Variants in TTC38 observed in about 807,000 individuals in gnomAD.
TTC38 encodes tetratricopeptide repeat domain 38.
TTC38 carries 64 observed loss-of-function variants against 64.2 expected under a neutral mutation model. That is an observed-to-expected ratio of 1.00 (90% confidence interval 0.81 to 1.23). TTC38 has a LOEUF of 1.23. TTC38 is among the 50% of genes most tolerant of loss of function. The probability of loss-of-function intolerance (pLI) is 0.00; values close to 1 mark genes in which losing one functional copy is unlikely to be tolerated. For missense variants in TTC38, 573 were observed against 615.5 expected (o/e 0.93, Z 0.73); for synonymous variants, 254 against 249.3 (o/e 1.02, Z -0.18).
rs2147785703 is a variant in TTC38 at position 46,272,844 on chromosome 22, G to A, written c.193+428G>A. Among the ~76,000 whole-genome samples the A allele has an allele frequency of 6.6e-6, 1 of 152,310 alleles. No individual in the cohort carries two copies. Among genetic ancestry groups the A allele is most frequent in the East Asian group, 1.9e-4 (1 of 5,180 alleles). ...CTGCAGCCTCCGTCAGGGGACCAGT[G>A]AGGCCTCATCCAGAGTGGCCAGGGT... On this transcript the variant is annotated intron_variant, in intron 3 of 13. Transcript: ENST00000381031. The surrounding 1 kb of genome is among the most constrained non-coding windows in gnomAD (Gnocchi z 6.4).
rs1569014775 is a variant in TTC38 at position 46,273,535 on chromosome 22, G to A, written c.194-363G>A. On this transcript the variant is annotated intron_variant, in intron 3 of 13. Coordinates refer to ENST00000381031, the MANE Select transcript of TTC38 (RefSeq NM_017931.4). The surrounding 1 kb of genome is among the most constrained non-coding windows in gnomAD (Gnocchi z 5.1). ...TCCTTGGTCCAGCCCCTTATGAGCAGCATCCACTGATGCCTCCCGGGAGCC... is the reference window on the plus strand; with the variant it reads ...TCCTTGGTCCAGCCCCTTATGAGCAACATCCACTGATGCCTCCCGGGAGCC... Among the ~76,000 whole-genome samples the A allele has an allele frequency of 6.6e-6, 1 of 152,254 alleles. No homozygotes were observed. Among genetic ancestry groups the A allele is most frequent in the Non-Finnish European group, 1.5e-5 (1 of 68,044 alleles).
intron 11 of TTC38, 134 bp downstream of exon 11, chr22:46,288,722 G>A: frequency 2.3e-6 from 2 of 867,338 alleles, no homozygotes; most frequent in Non-Finnish European, 1.8e-6. Context: ...CATGGAGGCA[G>A]CTCCCAGGTG....
intron 6 of TTC38, among the ~76,000 whole-genome samples, chr22:46,279,448 C>T (rs1257749421): frequency 1.3e-5 from 2 of 152,190 alleles, no homozygotes; most frequent in African/African-American, 4.8e-5. Flanking sequence ...GAGGCCAAGG[C>T]TAGAGCCTGC....
chr22:46,281,774 T>G lies in TTC38; in HGVS notation c.735+56T>G, dbSNP rs1004882333. 5 of 1,609,268 alleles carry G rather than the reference T, an allele frequency of 3.1e-6. No individual in the cohort carries two copies. The African/African-American group carries it at 6.7e-5, about 22-fold the overall frequency. On this transcript the variant is annotated intron_variant, in intron 7 of 13. Coordinates refer to ENST00000381031, the MANE Select transcript of TTC38 (RefSeq NM_017931.4). This position sits in a 1 kb window ranked among gnomAD's most constrained non-coding sequence, Gnocchi z 5.2. Reference sequence around the variant, plus strand: ...GGGAAATTCAGTGCATCCCCTTGAGTCAGGCCAAGGCTTTATGGACAAGAG... The same window carrying G: ...GGGAAATTCAGTGCATCCCCTTGAGGCAGGCCAAGGCTTTATGGACAAGAG...
At chr22:46,288,991 C>T (rs566273328) in intron 11 of TTC38, among the ~76,000 whole-genome samples, 86 of 152,340 alleles carry the variant, frequency 5.6e-4, no homozygotes, top group Non-Finnish European at 9.1e-4. Flanking sequence ...TAAATCAGGG[C>T]GATGCCTGGC....
intron 1 of TTC38, 53 bp downstream of exon 1, chr22:46,268,125 G>T (rs1054088609): frequency 4.0e-6 from 6 of 1,514,158 alleles, no homozygotes; most frequent in East Asian, 5.1e-5. Context: ...GGTCCTGGGG[G>T]TGGCCCGGTG....
intron 5 of TTC38, 112 bp from the exon 6 acceptor site, chr22:46,278,474 G>C: frequency 1.1e-6 from 1 of 882,664 alleles, no homozygotes; most frequent in Non-Finnish European, 1.9e-6. Context: ...TCCAAAAAAG[G>C]TCACATTCCC....
rs1330689578 is a variant in TTC38 at position 46,291,915 on chromosome 22, C to T, written c.1317-876C>T. On this transcript the variant is annotated intron_variant, in intron 13 of 13. Coordinates refer to ENST00000381031, the MANE Select transcript of TTC38 (RefSeq NM_017931.4). The surrounding 1 kb of genome is among the most constrained non-coding windows in gnomAD (Gnocchi z 4.6). ...AGGTTGCAGTGAGCCGAGATCGCGT[C>T]ATTGCACTCCAGCCTGAGTGACCGA... is the stretch of plus-strand genomic sequence containing the variant. 6.6e-6 allele frequency among the ~76,000 whole-genome samples: 1 copy of T among 152,172 alleles called. No individual in the cohort carries two copies. The highest frequency in any genetic ancestry group is 1.5e-5 in the Non-Finnish European group (1 of 68,034).
chr22:46,280,919 G>T (rs2077529386), intron 6 of TTC38, among the ~76,000 whole-genome samples: 1 of 152,272 alleles, frequency 6.6e-6, no homozygotes, highest in African/African-American at 2.4e-5. Flanking sequence ...CTGAGTAGAT[G>T]CTTAGCAAAC....
intron 5 of TTC38, among the ~76,000 whole-genome samples, chr22:46,277,222 G>A (rs2077498558): frequency 1.3e-5 from 2 of 152,046 alleles, no homozygotes; most frequent in African/African-American, 2.4e-5. Flanking sequence ...GCCCTATTTT[G>A]TTTTCACTTA....
Position 46,291,645 on chromosome 22 carries a change from GGTT to G in TTC38, c.1317-1142_1317-1140del, listed in dbSNP as rs1416860432. On this transcript the variant is annotated intron_variant, in intron 13 of 13. Transcript: ENST00000381031. The surrounding 1 kb of genome is among the most constrained non-coding windows in gnomAD (Gnocchi z 4.6). The stretch of plus-strand genomic sequence containing the variant: ...TTTGGGGGCTGTCTTAGTCAGTTTG[GGTT>G]GTTATTTTAAAAGTGCCACAGACAG... Among the ~76,000 whole-genome samples, 1 of 152,150 alleles carries G rather than the reference GGTT, an allele frequency of 6.6e-6. No homozygotes were observed. The highest frequency in any genetic ancestry group is 1.5e-5 in the Non-Finnish European group (1 of 68,016).
rs1304938366 is a variant in TTC38 at position 46,275,757 on chromosome 22, G to A, written c.539+336G>A. On this transcript the variant is annotated intron_variant, in intron 5 of 13. Transcript: ENST00000381031. The surrounding 1 kb of genome is among the most constrained non-coding windows in gnomAD (Gnocchi z 4.5). ...GAAGGGCTGAGGGCTCTGCCACCATGTCCTTGTCTCCATCTGGGATCCCAG... is the reference window on the plus strand; with the variant it reads ...GAAGGGCTGAGGGCTCTGCCACCATATCCTTGTCTCCATCTGGGATCCCAG... Among the ~76,000 whole-genome samples, 1 of 152,168 alleles carries A rather than the reference G, an allele frequency of 6.6e-6. No homozygotes were observed. The highest frequency in any genetic ancestry group is 1.9e-4 in the East Asian group (1 of 5,192).
intron 11 of TTC38, 140 bp from the exon 12 acceptor site, chr22:46,289,262 C>A: frequency 9.0e-7 from 1 of 1,115,860 alleles, no homozygotes; most frequent in Non-Finnish European, 1.3e-6. Flanking sequence ...GATGGGCTGC[C>A]CCGCCTGTCA....
intron 10 of TTC38, 119 bp downstream of exon 10, chr22:46,287,273 T>A (rs1473557685): frequency 3.7e-6 from 3 of 810,008 alleles, no homozygotes; most frequent in Non-Finnish European, 5.7e-6. Context: ...TCCAGACCCC[T>A]CTGCAGGCCT....
At position 46,272,433 on chromosome 22, in the gene TTC38, C is replaced by T; in HGVS notation, c.193+17C>T. 6.2e-7 allele frequency: 1 copy of T among 1,604,708 alleles called. No homozygotes were observed. Among genetic ancestry groups the T allele is most frequent in the African/African-American group, 1.3e-5 (1 of 74,838 alleles). On this transcript the variant is annotated intron_variant, in intron 3 of 13. Transcript: ENST00000381031. This position sits in a 1 kb window ranked among gnomAD's most constrained non-coding sequence, Gnocchi z 6.4. ...CAACCTTTGGTGAGTAACGCCTTCCCTGGGTGGAGGAGCCCCGCTTCACAC... is the reference window on the plus strand; with the variant it reads ...CAACCTTTGGTGAGTAACGCCTTCCTTGGGTGGAGGAGCCCCGCTTCACAC...
At chr22:46,268,832 C>T in intron 2 of TTC38, 1 of 467,542 alleles carries the variant, frequency 2.1e-6, no homozygotes, top group Non-Finnish European at 3.9e-6. Flanking sequence ...CTACAGGCGC[C>T]CGCCACTGCC....
chr22:46,268,518 G>A lies in TTC38; in HGVS notation c.38G>A (p.Trp13Ter). The A allele has an allele frequency of 1.2e-6, 2 of 1,614,100 alleles. No homozygotes were observed. Among genetic ancestry groups the A allele is most frequent in the Non-Finnish European group, 1.7e-6 (2 of 1,180,016 alleles). ...AASPLRDCQA[W>*]KDARLPLSTT... Reference sequence around the variant, plus strand: ...TTCCCTTCTTGCCGTCTGTAGGCCTGGAAGGATGCGAGGCTCCCGCTCTCC... The same window carrying A: ...TTCCCTTCTTGCCGTCTGTAGGCCTAGAAGGATGCGAGGCTCCCGCTCTCC... The change falls in exon 2 of 14, where the codon TGG (tryptophan) becomes TAG (stop). Residue 13 changes from tryptophan (W) to a stop codon, truncating the protein, a stop_gained. Transcript: ENST00000381031. LOFTEE classifies it high-confidence loss of function.
At position 46,278,655 on chromosome 22, in the gene TTC38, C is replaced by T. The variant is rs894474337; in HGVS notation, c.609C>T (p.Ala203=). 8.1e-6 allele frequency: 13 copies of T among 1,613,854 alleles called. No homozygotes were observed. The highest frequency in any genetic ancestry group is 1.1e-5 in the Non-Finnish European group (13 of 1,179,886). Residue 203 remains alanine, a synonymous_variant, in exon 6 of 14, where the codon GCC becomes GCT. Coordinates refer to ENST00000381031, the MANE Select transcript of TTC38 (RefSeq NM_017931.4). ...TNFYDQAEKL[A]KEALSINPTD... is the part of the protein sequence containing the mutation. ...TCTACGACCAGGCAGAAAAACTCGC[C>T]AAAGAGGTAAGTGGGTCCTTCCTAA... is the stretch of plus-strand genomic sequence containing the variant.
rs779520110 is a variant in TTC38 at position 46,281,281 on chromosome 22, T to G, written c.616-318T>G. 6.6e-6 allele frequency among the ~76,000 whole-genome samples: 1 copy of G among 152,250 alleles called. No individual in the cohort carries two copies. The highest frequency in any genetic ancestry group is 1.5e-5 in the Non-Finnish European group (1 of 68,048). ...ATGTTTTGCAAGCACCTCAGCTGTA[T>G]GCAGAATGCTGTGGGCTTGGGTCTG... On this transcript the variant is annotated intron_variant, in intron 6 of 13. Transcript: ENST00000381031. The surrounding 1 kb of genome is among the most constrained non-coding windows in gnomAD (Gnocchi z 5.2).
Sources: gnomAD v4.1 joint callset for allele counts (sites outside exome capture counted in the v4.1 genomes callset) on GRCh38, gnomAD v4.1.1 for gene constraint, Gnocchi (gnomAD v3.1) non-coding constraint, MANE v1.5 for transcripts, NCBI Gene and HGNC (gene_info 2026-07-23, HGNC 2026-07-21) for gene names.